The following ZSWIM2 variants were observed in gnomAD, a reference collection of about 807,000 sequenced individuals.
ZSWIM2 encodes zinc finger SWIM-type containing 2.
In ZSWIM2, 38 loss-of-function variants were observed where a neutral mutation model predicts 48.4. That is an observed-to-expected ratio of 0.79 (90% CI 0.61 to 1.03). The LOEUF is 1.03. ZSWIM2 is among the 50% of genes least tolerant of loss of function. The pLI is 0.00. For synonymous variants in ZSWIM2, 240 were observed against 251.3 expected (o/e 0.96, Z 0.42); for missense variants, 776 against 730.2 (o/e 1.06, Z -0.72).
Position 186,828,471 on chromosome 2 carries a change from G to C in ZSWIM2, c.1415C>G (p.Ser472Cys), listed in dbSNP as rs777503021. 1.2e-6 allele frequency: 2 copies of C among 1,613,254 alleles called. No homozygotes were observed. The highest frequency in any genetic ancestry group is 1.7e-5 in the Admixed American group (1 of 59,886). Residue 472 changes from serine to cysteine, a missense_variant, in exon 9 of 9, where the codon TCT becomes TGT. Transcript: ENST00000295131. ...TGAATTTGAATTATCTAATTTGATA[G>C]AGCATAGATTATCTATTGTTGTATT... is the stretch of plus-strand genomic sequence containing the variant. ...YENTTIDNLC[S>C]IKLDNSNSKK...
chr2:186,844,721 A>T lies in ZSWIM2; in HGVS notation c.279T>A (p.His93Gln), dbSNP rs370166200. The change falls in exon 3 of 9, where the codon CAT (histidine) becomes CAA (glutamine). Residue 93 changes from histidine to glutamine, a missense_variant. Transcript: ENST00000295131. ...AACCCAAACCCCAAAACTTACATTCATGGTTCCTTGGAAGCTTGAATTTTT... is the reference window on the plus strand; with the variant it reads ...AACCCAAACCCCAAAACTTACATTCTTGGTTCCTTGGAAGCTTGAATTTTT... ...LLKKFKLPRN[H>Q]ESALQLGLGE... is the part of the protein sequence containing the mutation. 5.8e-6 allele frequency: 9 copies of T among 1,558,212 alleles called. No homozygotes were observed. Among genetic ancestry groups the T allele is most frequent in the Non-Finnish European group, 7.8e-6 (9 of 1,158,766 alleles).
At chr2:186,840,495 T>G (rs28475061) in intron 3 of ZSWIM2, among the ~76,000 whole-genome samples, 22,113 of 151,506 alleles carry the variant, frequency 0.15, 2,526 homozygotes, top group African/African-American at 0.33. Context: ...GTTGTACAAG[T>G]AATAAATGTA....
intron 3 of ZSWIM2, among the ~76,000 whole-genome samples, chr2:186,843,650 T>C (rs998988173): frequency 3.3e-5 from 5 of 151,268 alleles, no homozygotes; most frequent in African/African-American, 7.3e-5. Context: ...GTATGTGAGG[T>C]AGGGAATCTA....
Position 186,839,093 on chromosome 2 carries a change from T to G in ZSWIM2, c.360A>C (p.Gln120His), listed in dbSNP as rs369591549. The G allele has an allele frequency of 6.2e-7, 1 of 1,612,066 alleles. No homozygotes were observed. The highest frequency in any genetic ancestry group is 8.5e-7 in the Non-Finnish European group (1 of 1,178,528). The change falls in exon 4 of 9, where the codon CAA (glutamine) becomes CAC (histidine). Residue 120 changes from glutamine (Q) to histidine (H), a missense_variant. By Grantham distance (24) the Gln-to-His change is conservative. Transcript: ENST00000295131. ...GTTCATTTTCGTCATTTGTTCCTGG[T>G]TGGGGAGTTTGAACTCGATGTATCC... is the stretch of plus-strand genomic sequence containing the variant. ...LRGIHRVQTP[Q>H]PGTNDENEHV... is the part of the protein sequence containing the mutation.
chr2:186,828,202 T>C lies in ZSWIM2; in HGVS notation c.1684A>G (p.Lys562Glu), dbSNP rs1691631891. ...GATCTCTTGTTGTCCTCTCTTATTT[T>C]AGTGGCAGGAGTCTTCTTTAGGTTG... is the stretch of plus-strand genomic sequence containing the variant. ...NHNLKKTPAT[K>E]IREDNKRSTL... The change falls in exon 9 of 9, where the codon AAA (lysine) becomes GAA (glutamate). Residue 562 changes from lysine to glutamate, a missense_variant. Coordinates refer to ENST00000295131, the MANE Select transcript of ZSWIM2 (RefSeq NM_182521.3). 3 of 1,613,492 alleles carry C rather than the reference T, an allele frequency of 1.9e-6. No individual in the cohort carries two copies. The highest frequency in any genetic ancestry group is 1.3e-5 in the African/African-American group (1 of 74,896).
rs780926419 is a variant in ZSWIM2 at position 186,833,982 on chromosome 2, G to C, written c.792C>G (p.Ser264Arg). The C allele has an allele frequency of 1.9e-6, 3 of 1,613,142 alleles. No homozygotes were observed. Among genetic ancestry groups the C allele is most frequent in the South Asian group, 1.1e-5 (1 of 91,070 alleles). The change falls in exon 6 of 9, where the codon AGC becomes AGG. Residue 264 changes from serine (S) to arginine (R), a missense_variant. Coordinates refer to ENST00000295131, the MANE Select transcript of ZSWIM2 (RefSeq NM_182521.3). Reference protein sequence around the residue: ...EYHLCQECFDSCCHLSHTFTF... With the variant: ...EYHLCQECFDRCCHLSHTFTF... ...TAAACGTGTGGGAAAGATGGCAGCA[G>C]CTATCAAAACATTCCTGGCATAAGT...
At position 186,845,198 on chromosome 2, in the gene ZSWIM2, T is replaced by C. The variant is rs1229474294; in HGVS notation, c.243-441A>G. Among the ~76,000 whole-genome samples the C allele has an allele frequency of 4.0e-5, 6 of 151,464 alleles. No individual in the cohort carries two copies. In the East Asian group the frequency reaches 5.8e-4, roughly 15 times the overall value. ...AAAAATTTTTTTTAAATTTTACCAATAAAATGGAATGCGACTTTTTAAAAA... is the reference window on the plus strand; with the variant it reads ...AAAAATTTTTTTTAAATTTTACCAACAAAATGGAATGCGACTTTTTAAAAA... On this transcript the variant is annotated intron_variant, in intron 2 of 8. Transcript: ENST00000295131.
intron 7 of ZSWIM2, 147 bp from the exon 8 acceptor site, chr2:186,830,027 TA>T (rs1691670425): frequency 1.3e-6 from 1 of 769,594 alleles, no homozygotes; most frequent in Non-Finnish European, 2.0e-6. Context: ...TCATATATTA[TA>T]AAGTTAAAAA....
chr2:186,846,283 C>T (rs895905997), intron 2 of ZSWIM2, among the ~76,000 whole-genome samples: 12 of 151,680 alleles, frequency 7.9e-5, no homozygotes, highest in African/African-American at 2.9e-4. Flanking sequence ...AACAACTCAA[C>T]AGGAAAAAAC....
intron 4 of ZSWIM2, among the ~76,000 whole-genome samples, chr2:186,837,976 A>G (rs1489653822): frequency 2.0e-5 from 3 of 151,796 alleles, no homozygotes; most frequent in African/African-American, 7.2e-5. Flanking sequence ...TGGTAGTACC[A>G]AAGAAATATC....
intron 3 of ZSWIM2, 63 bp from the exon 4 acceptor site, chr2:186,839,232 A>C: frequency 2.1e-6 from 3 of 1,433,684 alleles, no homozygotes; most frequent in Non-Finnish European, 2.9e-6. Context: ...AGAGGTAACA[A>C]CTTATGCTGA....
chr2:186,841,426 A>C (rs1691900919), intron 3 of ZSWIM2, among the ~76,000 whole-genome samples: 1 of 151,440 alleles, frequency 6.6e-6, no homozygotes, highest in Admixed American at 6.6e-5. Flanking sequence ...AACTTAAAGA[A>C]ATTGACATAT....
At position 186,837,362 on chromosome 2, in the gene ZSWIM2, G is replaced by C. The variant is rs755604314; in HGVS notation, c.687C>G (p.His229Gln). The change falls in exon 5 of 9, where the codon CAC becomes CAG. Residue 229 changes from histidine to glutamine, a missense_variant. Coordinates refer to ENST00000295131, the MANE Select transcript of ZSWIM2 (RefSeq NM_182521.3). ...TGCAGTTATTACAGGGAATCCCAAGGTGTTTGTCCAGTCTCTCTTTTTCTG... is the reference window on the plus strand; with the variant it reads ...TGCAGTTATTACAGGGAATCCCAAGCTGTTTGTCCAGTCTCTCTTTTTCTG... ...AAAEKERLDK[H>Q]LGIPCNNCKQ... 1 of 1,612,920 alleles carries C rather than the reference G, an allele frequency of 6.2e-7. No individual in the cohort carries two copies. The highest frequency in any genetic ancestry group is 8.5e-7 in the Non-Finnish European group (1 of 1,179,298).
At position 186,828,785 on chromosome 2, in the gene ZSWIM2, G is replaced by C. The variant is rs1221136609; in HGVS notation, c.1101C>G (p.His367Gln). 2 of 1,514,566 alleles carry C rather than the reference G, an allele frequency of 1.3e-6. No individual in the cohort carries two copies. Among genetic ancestry groups the C allele is most frequent in the Admixed American group, 2.1e-5 (1 of 46,876 alleles). 93.8% of individuals were successfully genotyped at this position (1,514,566 alleles called of 1,614,324 possible). A position where few individuals can be genotyped will look rare whatever the true frequency, so the allele number is the denominator to read the frequency against. Reference sequence around the variant, plus strand: ...ATAACCAGTTGTCAATACACTTCCTGTGAAACTTTAAAAAAAAGGTAAGCT... The same window carrying C: ...ATAACCAGTTGTCAATACACTTCCTCTGAAACTTTAAAAAAAAGGTAAGCT... ...TRLLPCTHKF[H>Q]RKCIDNWLFH... The change falls in exon 9 of 9, where the codon CAC (histidine) becomes CAG (glutamine). Residue 367 changes from histidine to glutamine, a missense_variant. By Grantham distance (24) the His-to-Gln change is conservative. Transcript: ENST00000295131.
At chr2:186,841,186 T>C (rs1691896514) in intron 3 of ZSWIM2, among the ~76,000 whole-genome samples, 1 of 151,532 alleles carries the variant, frequency 6.6e-6, no homozygotes, top group Admixed American at 6.6e-5. Flanking sequence ...GAATAGAAAC[T>C]ATTTTCTTAT....
chr2:186,833,975 G>A lies in ZSWIM2; in HGVS notation c.799C>T (p.His267Tyr). 6.2e-7 allele frequency: 1 copy of A among 1,613,212 alleles called. No individual in the cohort carries two copies. The highest frequency in any genetic ancestry group is 8.5e-7 in the Non-Finnish European group (1 of 1,179,524). Residue 267 changes from histidine to tyrosine, a missense_variant, in exon 6 of 9, where the codon CAT becomes TAT. Transcript: ENST00000295131. ...CGAAATGTAAACGTGTGGGAAAGAT[G>A]GCAGCAGCTATCAAAACATTCCTGG... ...LCQECFDSCC[H>Y]LSHTFTFREK...
In ZSWIM2 at chr2:186,827,939, T is replaced by C. The variant is rs1691624596; in HGVS notation, c.*45A>G. ...TGCTTTTTATGTTCTATATAAAACA[T>C]TTTTTTATATTCAACATTCAAATAT... On this transcript the variant is annotated 3_prime_UTR_variant, in exon 9 of 9. Coordinates refer to ENST00000295131, the MANE Select transcript of ZSWIM2 (RefSeq NM_182521.3). 7.1e-6 allele frequency: 10 copies of C among 1,408,804 alleles called. No individual in the cohort carries two copies. Among genetic ancestry groups the C allele is most frequent in the Non-Finnish European group, 9.5e-6 (10 of 1,055,502 alleles). 87.3% of individuals were successfully genotyped at this position (1,408,804 alleles called of 1,614,324 possible).
At position 186,831,114 on chromosome 2, in the gene ZSWIM2, C is replaced by T. The variant is rs941803844; in HGVS notation, c.942-1234G>A. Among the ~76,000 whole-genome samples the T allele has an allele frequency of 2.6e-5, 4 of 152,218 alleles. 1 individual carries two copies. The highest frequency in any genetic ancestry group is 4.1e-4 in the South Asian group (2 of 4,826). ...AATGTCCTTCTTCTCCTAATGTTCT[C>T]CTTCTCAACTCCCTGTCCCCCAATA... On this transcript the variant is annotated intron_variant, in intron 7 of 8. Coordinates refer to ENST00000295131, the MANE Select transcript of ZSWIM2 (RefSeq NM_182521.3).
In ZSWIM2 at chr2:186,848,955, G is replaced by A. The variant is rs200903594; in HGVS notation, c.165+11C>T. 4 of 1,613,984 alleles carry A rather than the reference G, an allele frequency of 2.5e-6. No individual in the cohort carries two copies. In the East Asian group the frequency reaches 8.9e-5, roughly 36 times the overall value. ...TGATGGCCAACTGGGGGCGGTAGGG[G>A]CGGTAGTTACTCGGAAATCCATGTA... On this transcript the variant is annotated intron_variant, in intron 1 of 8. Transcript: ENST00000295131.
Sources: allele counts gnomAD v4.1 joint callset (sites outside exome capture counted in the v4.1 genomes callset), GRCh38; gene constraint gnomAD v4.1.1; transcripts MANE v1.5; gene names NCBI Gene and HGNC (gene_info 2026-07-23, HGNC 2026-07-21).